The following PIAS1 variants were observed in gnomAD, a reference collection of about 807,000 sequenced individuals.
PIAS1 encodes protein inhibitor of activated STAT 1, also known as E3 SUMO-protein ligase PIAS1.
PIAS1 carries 6 observed loss-of-function variants against 71.3 expected under a neutral mutation model. The ratio of observed to expected loss-of-function variants is 0.08; its 90% CI spans 0.05 to 0.17. The LOEUF (loss-of-function observed/expected upper bound fraction) is 0.17. Among genes scored for constraint, PIAS1 ranks in the 10% least tolerant of loss-of-function variants. The pLI, the probability that PIAS1 is intolerant of heterozygous loss-of-function variation, is 1.00. For missense variants in PIAS1, 555 were observed against 793.6 expected, an observed-to-expected ratio of 0.70 and a Z score of 3.61; for synonymous variants, 303 against 292.9, an observed-to-expected ratio of 1.03 and a Z score of -0.35.
At chr15:68,119,233 C>T (rs764363269) in intron 2 of PIAS1, among the ~76,000 whole-genome samples, 201 of 19,292 alleles carry the variant, frequency 0.01, no homozygotes, top group Middle Eastern at 0.12. Flanking sequence ...AACCCCATCT[C>T]TACCAAAAAA....
In PIAS1 at chr15:68,141,348, T is replaced by C. The variant is rs191962440; in HGVS notation, c.470-598T>C. 5.3e-5 allele frequency among the ~76,000 whole-genome samples: 8 copies of C among 152,258 alleles called. No homozygotes were observed. In the East Asian group the frequency reaches 1.4e-3, roughly 26 times the overall value. On this transcript the variant is annotated intron_variant, in intron 2 of 13. Coordinates refer to ENST00000249636, the MANE Select transcript of PIAS1 (RefSeq NM_016166.3). ...CTCTCTTCCCCTCCCTTCCTTCCTT[T>C]CTTAATTCTCTTCTGTTTTTTACAA...
chr15:68,085,687 A>G (rs1326719973), intron 1 of PIAS1, among the ~76,000 whole-genome samples: 1 of 152,208 alleles, frequency 6.6e-6, no homozygotes, highest in Admixed American at 6.5e-5. Flanking sequence ...ATCAGGCAGG[A>G]TAATACCTTG....
intron 2 of PIAS1, among the ~76,000 whole-genome samples, chr15:68,096,668 T>C (rs1320180628): frequency 6.6e-6 from 1 of 152,150 alleles, no homozygotes; most frequent in African/African-American, 2.4e-5. Context: ...ATTTTATCCT[T>C]CTTGATGCTA....
chr15:68,086,395 C>G lies in PIAS1; in HGVS notation c.114C>G (p.Leu38=). The change falls in exon 2 of 14, where the codon CTC becomes CTG. Residue 38 remains leucine (L), a synonymous_variant. Coordinates refer to ENST00000249636, the MANE Select transcript of PIAS1 (RefSeq NM_016166.3). This position sits in a 1 kb window ranked among gnomAD's most constrained non-coding sequence, Gnocchi z 7.2. The stretch of plus-strand genomic sequence containing the variant: ...AGCACGGACGCAAACACGAACTTCT[C>G]ACAAAAGCCCTGCATTTGCTAAAGG... ...RNKHGRKHEL[L]TKALHLLKAG... The G allele has an allele frequency of 6.2e-7, 1 of 1,613,838 alleles. No individual in the cohort carries two copies. The highest frequency in any genetic ancestry group is 1.1e-5 in the South Asian group (1 of 91,080).
chr15:68,134,628 C>CCG (rs1207455765), intron 2 of PIAS1, among the ~76,000 whole-genome samples: 1 of 39,870 alleles, frequency 2.5e-5, no homozygotes, highest in African/African-American at 4.7e-5. Flanking sequence ...GCTAACCCCC[C>CCG]CCACCTCCCT....
intron 2 of PIAS1, among the ~76,000 whole-genome samples, chr15:68,101,115 G>C (rs907681609): frequency 6.6e-6 from 1 of 152,002 alleles, no homozygotes; most frequent in African/African-American, 2.4e-5. Flanking sequence ...GGCCAGGCTG[G>C]TCTCAAACTC....
At chr15:68,143,012 C>A (rs1228842204) in intron 4 of PIAS1, among the ~76,000 whole-genome samples, 1 of 151,986 alleles carries the variant, frequency 6.6e-6, no homozygotes, top group African/African-American at 2.4e-5. Context: ...ATTCATTTGT[C>A]TTAGAATATC....
intron 7 of PIAS1, among the ~76,000 whole-genome samples, chr15:68,163,130 G>A (rs1265673922): frequency 6.6e-6 from 1 of 152,178 alleles, no homozygotes; most frequent in Non-Finnish European, 1.5e-5. Flanking sequence ...CCAACACAGT[G>A]AGTAATCACA....
At position 68,167,211 on chromosome 15, in the gene PIAS1, G is replaced by GTGTA. The variant is rs2092963196; in HGVS notation, c.1008+2411_1008+2414dup. 6.6e-6 allele frequency among the ~76,000 whole-genome samples: 1 copy of GTGTA among 152,100 alleles called. No homozygotes were observed. Among genetic ancestry groups the GTGTA allele is most frequent in the African/African-American group, 2.4e-5 (1 of 41,466 alleles). On this transcript the variant is annotated intron_variant, in intron 8 of 13. Transcript: ENST00000249636. The surrounding 1 kb of genome is among the most constrained non-coding windows in gnomAD (Gnocchi z 4.4). ...GTATATTGTGTGTGTGTGTGTGTGT[G>GTGTA]TGTATGTGTAAAATGTATAATTATA...
chr15:68,179,512 A>G (rs1480225339), intron 11 of PIAS1, among the ~76,000 whole-genome samples: 1 of 148,146 alleles, frequency 6.8e-6, no homozygotes, highest in African/African-American at 2.5e-5. Context: ...GTAGATGGTC[A>G]TAACTGGAAC....
At chr15:68,163,111 T>C (rs906123196) in intron 7 of PIAS1, among the ~76,000 whole-genome samples, 1 of 152,194 alleles carries the variant, frequency 6.6e-6, no homozygotes, top group Non-Finnish European at 1.5e-5. Context: ...AGTTGACACC[T>C]AAAATTAGCC....
intron 2 of PIAS1, among the ~76,000 whole-genome samples, chr15:68,138,338 A>T (rs1216547081): frequency 6.6e-6 from 1 of 152,040 alleles, no homozygotes; most frequent in Non-Finnish European, 1.5e-5. Flanking sequence ...CTCCTATTTC[A>T]TTGACCAAGG....
At chr15:68,099,387 TC>T (rs1428754315) in intron 2 of PIAS1, among the ~76,000 whole-genome samples, 5 of 151,862 alleles carry the variant, frequency 3.3e-5, no homozygotes, top group Non-Finnish European at 5.9e-5. Flanking sequence ...GACTACTTTT[TC>T]CATTGTGATT....
intron 1 of PIAS1, among the ~76,000 whole-genome samples, chr15:68,069,673 G>A (rs938251466): frequency 6.6e-6 from 1 of 151,972 alleles, no homozygotes; most frequent in African/African-American, 2.4e-5. Context: ...GTGGTGGCGC[G>A]GGAGCCTGTA....
intron 13 of PIAS1, 94 bp downstream of exon 13, chr15:68,183,761 A>G (rs2141105170): frequency 1.7e-6 from 1 of 589,894 alleles, no homozygotes; most frequent in Middle Eastern, 4.3e-4. Context: ...CAGGCCATAT[A>G]TGCATTCCAT....
chr15:68,170,365 G>A (rs879820899), intron 8 of PIAS1, among the ~76,000 whole-genome samples: 23 of 152,112 alleles, frequency 1.5e-4, no homozygotes, highest in Non-Finnish European at 2.8e-4. Context: ...ACTGAATACT[G>A]TAGGCAGTTG....
intron 2 of PIAS1, among the ~76,000 whole-genome samples, chr15:68,100,610 A>G (rs2140997910): frequency 1.3e-5 from 2 of 152,346 alleles, no homozygotes; most frequent in South Asian, 4.1e-4. Context: ...TAAAATTACT[A>G]TGAATATTCA....
At chr15:68,179,346 C>CT (rs2093038212) in intron 11 of PIAS1, among the ~76,000 whole-genome samples, 1 of 152,098 alleles carries the variant, frequency 6.6e-6, no homozygotes, top group South Asian at 2.1e-4. Context: ...TAAATCCTCT[C>CT]TTATAATCTC....
chr15:68,139,488 T>C (rs1465001846), intron 2 of PIAS1, among the ~76,000 whole-genome samples: 1 of 152,244 alleles, frequency 6.6e-6, no homozygotes, highest in East Asian at 1.9e-4. Flanking sequence ...ATTGTACTCA[T>C]ATGTTGTAAA....
Sources: gnomAD v4.1 joint callset for allele counts (sites outside exome capture counted in the v4.1 genomes callset) on GRCh38, gnomAD v4.1.1 for gene constraint, Gnocchi (gnomAD v3.1) non-coding constraint, MANE v1.5 for transcripts, NCBI Gene and HGNC (gene_info 2026-07-23, HGNC 2026-07-21) for gene names.